SIAE: variants seen among roughly 807,000 people sequenced by gnomAD.
The protein encoded by SIAE is sialate O-acetylesterase.
A neutral mutation model predicts 52.6 loss-of-function variants in SIAE; 39 were observed. The observed-to-expected ratio is 0.74, with a 90% CI of 0.57 to 0.97. SIAE has a LOEUF of 0.97. SIAE is among the 50% of genes least tolerant of loss of function. The probability of loss-of-function intolerance (pLI) is 0.00; values close to 1 mark genes in which losing one functional copy is unlikely to be tolerated. For missense variants in SIAE, 592 were observed against 662.1 expected (o/e 0.89, Z 1.16); for synonymous variants, 233 against 241.4 (o/e 0.97, Z 0.32).
intron 4 of SIAE, chr11:124,654,261 G>C (rs1943061245): frequency 1.0e-6 from 1 of 985,312 alleles, no homozygotes; most frequent in Non-Finnish European, 1.2e-6. Context: ...AGGGATTAAA[G>C]AAGGCTCTGG....
At chr11:124,667,437 C>T (rs986598273) in intron 2 of SIAE, among the ~76,000 whole-genome samples, 9 of 152,232 alleles carry the variant, frequency 5.9e-5, no homozygotes, top group Non-Finnish European at 1.2e-4. Flanking sequence ...TACCTTACAT[C>T]AATGCCTGGC....
chr11:124,665,715 A>T (rs2134389195), intron 2 of SIAE, among the ~76,000 whole-genome samples: 1 of 152,290 alleles, frequency 6.6e-6, no homozygotes, highest in South Asian at 2.1e-4. Context: ...GCTACTCAGG[A>T]GGCTGAGGCA....
rs1942737257 is a variant in SIAE at position 124,636,291 on chromosome 11, T to C, written c.*660A>G. The stretch of plus-strand genomic sequence containing the variant: ...TTTAGATTGAAGGAACAGAATTGGT[T>C]TGGGCTTGAAGAGAATACAAAGAGA... On this transcript the variant is annotated 3_prime_UTR_variant, in exon 10 of 10. Transcript: ENST00000263593. The C allele has an allele frequency of 6.5e-6, 1 of 154,006 alleles. No individual in the cohort carries two copies. The highest frequency in any genetic ancestry group is 2.4e-5 in the African/African-American group (1 of 41,454). The allele number at this position is 154,006 out of a possible 1,614,324, so 9.5% of individuals were successfully genotyped here.
intron 4 of SIAE, among the ~76,000 whole-genome samples, chr11:124,651,945 T>C (rs1943022921): frequency 6.6e-6 from 1 of 152,090 alleles, no homozygotes; most frequent in African/African-American, 2.4e-5. Context: ...AGAAGAGAGC[T>C]GGAGAAGCCT....
At chr11:124,671,265 C>A (rs1031603087) in intron 1 of SIAE, among the ~76,000 whole-genome samples, 1 of 152,160 alleles carries the variant, frequency 6.6e-6, no homozygotes, top group African/African-American at 2.4e-5. Context: ...GAGACCAAAG[C>A]AGATGAAACA....
At chr11:124,660,509 G>T in intron 3 of SIAE, 119 bp downstream of exon 3, 1 of 920,854 alleles carries the variant, frequency 1.1e-6, no homozygotes, top group Non-Finnish European at 1.8e-6. Context: ...AACATATCTT[G>T]GCTCATGGTA....
intron 4 of SIAE, 200 bp downstream of exon 4, chr11:124,654,455 A>G (rs528837910): frequency 1.0e-6 from 1 of 985,496 alleles, no homozygotes; most frequent in East Asian, 1.1e-4. Context: ...ATTTCCCCAC[A>G]GCAAGAGGGA....
At chr11:124,674,667 CCCCAT>C (rs1306835289), upstream of SIAE, 3 of 152,252 alleles carry the variant, frequency 2.0e-5, no homozygotes, top group African/African-American at 2.4e-5. Flanking sequence ...TGACACACAG[CCCCAT>C]CCCATCCCAT....
chr11:124,656,516 A>C (rs1290047785), intron 3 of SIAE, among the ~76,000 whole-genome samples: 1 of 152,232 alleles, frequency 6.6e-6, no homozygotes, highest in Non-Finnish European at 1.5e-5. Flanking sequence ...AATTGTCAGG[A>C]GTATGAGAGG....
At chr11:124,638,873 G>T in intron 8 of SIAE, 136 bp from the exon 9 acceptor site, 1 of 711,150 alleles carries the variant, frequency 1.4e-6, no homozygotes, top group Non-Finnish European at 2.4e-6. Flanking sequence ...TCAGTGGCTA[G>T]TCAGCTCAAG....
Position 124,654,806 on chromosome 11 carries a change from T to C in SIAE, c.406-13A>G, listed in dbSNP as rs745368477. Reference sequence around the variant, plus strand: ...TAGCATTAAATATCTGGAAAAGAAATTGAAACGTCATTTAACCTAGCAGGT... The same window carrying C: ...TAGCATTAAATATCTGGAAAAGAAACTGAAACGTCATTTAACCTAGCAGGT... On this transcript the variant is annotated splice_polypyrimidine_tract_variant and intron_variant, in intron 3 of 9. Transcript: ENST00000263593. The C allele has an allele frequency of 3.7e-6, 6 of 1,612,744 alleles. No individual in the cohort carries two copies. The highest frequency in any genetic ancestry group is 2.7e-5 in the African/African-American group (2 of 74,860).
chr11:124,645,414 G>A lies in SIAE; in HGVS notation c.966+1951C>T, dbSNP rs753054977. On this transcript the variant is annotated intron_variant, in intron 7 of 9. Transcript: ENST00000263593. This position sits in a 1 kb window ranked among gnomAD's most constrained non-coding sequence, Gnocchi z 4.7. ...CCTCCTGGGTTCAAGCGATTCTCCTGCCTCAGCCTCCAGAGTAGCTGGGAT... is the reference window on the plus strand; with the variant it reads ...CCTCCTGGGTTCAAGCGATTCTCCTACCTCAGCCTCCAGAGTAGCTGGGAT... 2.6e-5 allele frequency among the ~76,000 whole-genome samples: 4 copies of A among 151,734 alleles called. No homozygotes were observed. The highest frequency in any genetic ancestry group is 4.8e-5 in the African/African-American group (2 of 41,264).
chr11:124,639,660 GA>G, intron 8 of SIAE, 49 bp downstream of exon 8: 1 of 1,612,268 alleles, frequency 6.2e-7, no homozygotes, highest in Non-Finnish European at 8.5e-7. Context: ...CAGAGTGAAA[GA>G]CTACAAAGAA....
Position 124,649,780 on chromosome 11 carries a change from T to C in SIAE, c.561A>G (p.Gly187=), listed in dbSNP as rs1192559510. 3.7e-6 allele frequency: 6 copies of C among 1,614,060 alleles called. No individual in the cohort carries two copies. Among genetic ancestry groups the C allele is most frequent in the African/African-American group, 1.3e-5 (1 of 74,942 alleles). The change falls in exon 5 of 10, where the codon GGA becomes GGG. Residue 187 remains glycine (G), a synonymous_variant. Coordinates refer to ENST00000263593, the MANE Select transcript of SIAE (RefSeq NM_170601.5). ...ACACTGCTGACATGTACTTGAAATA[T>C]CCATGGCCTAAGTTTTCTGTTCAGA... The part of the protein sequence containing the change: ...SKPTSENLGH[G]YFKYMSAVCW...
chr11:124,639,390 A>C (rs2134352926), intron 8 of SIAE, among the ~76,000 whole-genome samples: 1 of 152,316 alleles, frequency 6.6e-6, no homozygotes, highest in Non-Finnish European at 1.5e-5. Context: ...GAAGCACTGA[A>C]TTGCCAGTGT....
At chr11:124,641,301 A>G (rs1186735170) in intron 7 of SIAE, among the ~76,000 whole-genome samples, 1 of 152,218 alleles carries the variant, frequency 6.6e-6, no homozygotes, top group Non-Finnish European at 1.5e-5. Context: ...AGAAGTCACT[A>G]CAGGCAGTAC....
In SIAE at chr11:124,639,836, T is replaced by C; in HGVS notation, c.998A>G (p.Asp333Gly). The C allele has an allele frequency of 6.2e-7, 1 of 1,614,232 alleles. No individual in the cohort carries two copies. The highest frequency in any genetic ancestry group is 1.1e-5 in the South Asian group (1 of 91,088). ...LSSDLSKKSSDDGFPQIRWHQ... is the reference protein window; with the variant it reads ...LSSDLSKKSSGDGFPQIRWHQ... ...CCAACGGATCTGGGGAAATCCATCG[T>C]CTGAGCTCTTCTTAGACAAATCTGA... The change falls in exon 8 of 10, where the codon GAC (aspartate) becomes GGC (glycine). Residue 333 changes from aspartate (D) to glycine (G), a missense_variant. Physicochemically the swap from Asp to Gly is moderately conservative, Grantham distance 94. Coordinates refer to ENST00000263593, the MANE Select transcript of SIAE (RefSeq NM_170601.5).
chr11:124,672,812 AT>A (rs1359961724), intron 1 of SIAE, among the ~76,000 whole-genome samples: 1 of 151,966 alleles, frequency 6.6e-6, no homozygotes, highest in Non-Finnish European at 1.5e-5. Context: ...AGCAGGAGTC[AT>A]TTTTCTGCAC....
At position 124,648,152 on chromosome 11, in the gene SIAE, G is replaced by A; in HGVS notation, c.746C>T (p.Thr249Ile). Residue 249 changes from threonine (T) to isoleucine (I), a missense_variant, in exon 6 of 10, where the codon ACT (threonine) becomes ATT (isoleucine). Thr to Ile is a moderately conservative substitution (Grantham distance 89, BLOSUM62 -1). Transcript: ENST00000263593. Reference sequence around the variant, plus strand: ...GAGAACAGAGTGCTTACTGGGACCAGTTACAGAATCGTATGGAATGGACCT... The same window carrying A: ...GAGAACAGAGTGCTTACTGGGACCAATTACAGAATCGTATGGAATGGACCT... ...KQGSIPYDSV[T>I]GPSKHSVLWN... 6.2e-7 allele frequency: 1 copy of A among 1,613,996 alleles called. No homozygotes were observed. Among genetic ancestry groups the A allele is most frequent in the South Asian group, 1.1e-5 (1 of 91,076 alleles).
Sources: allele counts gnomAD v4.1 joint callset (sites outside exome capture counted in the v4.1 genomes callset), GRCh38; gene constraint gnomAD v4.1.1; non-coding constraint Gnocchi (gnomAD v3.1); transcripts MANE v1.5; gene names NCBI Gene and HGNC (gene_info 2026-07-23, HGNC 2026-07-21).